MRPL1: variants seen among roughly 807,000 people sequenced by gnomAD.
MRPL1 encodes the protein large ribosomal subunit protein uL1m.
Under a neutral mutation model 38.0 loss-of-function variants are expected in MRPL1, and 28 were observed. The ratio of observed to expected loss-of-function variants is 0.74; its 90% CI spans 0.55 to 1.01. The LOEUF (loss-of-function observed/expected upper bound fraction) is 1.01, where lower values mean the gene tolerates loss of function less well. Ranked by LOEUF, MRPL1 falls within the 50% of genes least tolerant of loss-of-function variation. The pLI is 0.00. For missense variants in MRPL1, 358 were observed against 389.8 expected (o/e 0.92, Z 0.69); for synonymous variants, 123 against 126.7 (o/e 0.97, Z 0.20).
chr4:77,890,505 T>C (rs1735782516), intron 5 of MRPL1, among the ~76,000 whole-genome samples: 1 of 152,138 alleles, frequency 6.6e-6, no homozygotes, highest in African/African-American at 2.4e-5. Flanking sequence ...TAAGAGCTAT[T>C]TATGACAAAC....
At chr4:77,905,712 T>A (rs1253930105) in intron 6 of MRPL1, among the ~76,000 whole-genome samples, 2 of 152,118 alleles carry the variant, frequency 1.3e-5, no homozygotes, top group Non-Finnish European at 2.9e-5. Context: ...CTAGTTCCTT[T>A]TTTCTAACTA....
chr4:77,935,065 T>C (rs1357666857), intron 7 of MRPL1, among the ~76,000 whole-genome samples: 1 of 152,206 alleles, frequency 6.6e-6, no homozygotes, highest in East Asian at 1.9e-4. Flanking sequence ...GGTTATATAC[T>C]GTTATTTTGT....
At chr4:77,919,808 T>G (rs1736520928) in intron 7 of MRPL1, among the ~76,000 whole-genome samples, 1 of 150,192 alleles carries the variant, frequency 6.7e-6, no homozygotes, top group African/African-American at 2.5e-5. Flanking sequence ...ATATATATAT[T>G]CAAGAACCTG....
At chr4:77,877,644 T>C (rs1456210768) in intron 2 of MRPL1, among the ~76,000 whole-genome samples, 1 of 150,094 alleles carries the variant, frequency 6.7e-6, no homozygotes, top group Non-Finnish European at 1.5e-5. Flanking sequence ...GTAGGCCCAG[T>C]GCAGCTGGAC....
rs575138704 is a variant in MRPL1, at chr4:77,937,057, C to T, written c.778-12740C>T. On this transcript the variant is annotated intron_variant, in intron 7 of 8. Transcript: ENST00000315567. Reference sequence around the variant, plus strand: ...GGAAGATTGCTTGAGGCCAGGAGGCCGAGGCTGTAATGAGGTGTGTTAGTG... The same window carrying T: ...GGAAGATTGCTTGAGGCCAGGAGGCTGAGGCTGTAATGAGGTGTGTTAGTG... 2.9e-4 allele frequency among the ~76,000 whole-genome samples: 44 copies of T among 151,394 alleles called. No individual in the cohort carries two copies. In the East Asian group the frequency reaches 4.9e-3, roughly 17 times the overall value.
chr4:77,913,324 C>A (rs1736334086), intron 7 of MRPL1, among the ~76,000 whole-genome samples: 1 of 152,028 alleles, frequency 6.6e-6, no homozygotes. Context: ...AATAAAACTA[C>A]CCAATTTTAA....
At chr4:77,925,161 A>G (rs1736683100) in intron 7 of MRPL1, among the ~76,000 whole-genome samples, 1 of 152,198 alleles carries the variant, frequency 6.6e-6, no homozygotes, top group Non-Finnish European at 1.5e-5. Context: ...CAGGCATTGT[A>G]GTACTTCACC....
intron 7 of MRPL1, among the ~76,000 whole-genome samples, chr4:77,911,890 A>G (rs893814157): frequency 6.6e-6 from 1 of 152,214 alleles, no homozygotes; most frequent in Non-Finnish European, 1.5e-5. Flanking sequence ...AGGGTAACAT[A>G]TCATGCTCAA....
chr4:77,899,361 A>G (rs911534580), intron 6 of MRPL1, among the ~76,000 whole-genome samples: 5 of 151,760 alleles, frequency 3.3e-5, no homozygotes, highest in Non-Finnish European at 7.4e-5. Context: ...GCCCCCCCGC[A>G]CCTTCATTTG....
chr4:77,949,825 C>T lies in MRPL1; in HGVS notation c.806C>T (p.Ala269Val). 1 of 1,610,546 alleles carries T rather than the reference C, an allele frequency of 6.2e-7. No individual in the cohort carries two copies. The highest frequency in any genetic ancestry group is 8.5e-7 in the Non-Finnish European group (1 of 1,178,054). Residue 269 changes from alanine to valine, a missense_variant, in exon 8 of 9, where the codon GCC (alanine) becomes GTC (valine). Ala to Val is a moderately conservative substitution (Grantham distance 64). Transcript: ENST00000315567. ...TLDMSSDQIA[A>V]NLQAVINEVC... ...GATATGTCAAGTGACCAGATAGCTG[C>T]CAATCTGCAAGCAGTTATTAATGAA... is the stretch of plus-strand genomic sequence containing the variant.
At chr4:77,901,351 C>T (rs1352082351) in intron 6 of MRPL1, among the ~76,000 whole-genome samples, 4 of 150,342 alleles carry the variant, frequency 2.7e-5, no homozygotes, top group Non-Finnish European at 4.4e-5. Flanking sequence ...AACAGAAGAA[C>T]AAATAAGATG....
intron 7 of MRPL1, among the ~76,000 whole-genome samples, chr4:77,949,456 C>T (rs1737355589): frequency 1.3e-5 from 2 of 152,006 alleles, no homozygotes; most frequent in Non-Finnish European, 2.9e-5. Flanking sequence ...CAACAAACTT[C>T]ATGAGAAAAT....
intron 6 of MRPL1, among the ~76,000 whole-genome samples, chr4:77,894,564 C>G (rs1735873256): frequency 6.6e-6 from 1 of 151,728 alleles, no homozygotes; most frequent in Non-Finnish European, 1.5e-5. Flanking sequence ...GGCTTTTATC[C>G]CTGTTTATCA....
intron 4 of MRPL1, 138 bp from the exon 5 acceptor site, chr4:77,887,082 T>C: frequency 1.4e-6 from 1 of 737,718 alleles, no homozygotes; most frequent in Non-Finnish European, 2.3e-6. Context: ...AGCCACTGCA[T>C]CCAGCCACAT....
intron 2 of MRPL1, among the ~76,000 whole-genome samples, chr4:77,881,771 C>T (rs1413681015): frequency 1.3e-5 from 2 of 152,148 alleles, no homozygotes; most frequent in African/African-American, 4.8e-5. Context: ...ATTCTCTAAT[C>T]TGCCATCTTT....
Position 77,883,359 on chromosome 4 carries a change from T to C in MRPL1, c.261T>C (p.Tyr87=), listed in dbSNP as rs1735593665. The change falls in exon 3 of 9, where the codon TAT becomes TAC. Residue 87 remains tyrosine (Y), a synonymous_variant. Transcript: ENST00000315567. ...AAGGCGAACCTGAGGATGATGTCTA[T>C]TTAAAACGCTTATACCCGAGACAGA... is the stretch of plus-strand genomic sequence containing the variant. ...YMEGEPEDDV[Y]LKRLYPRQIY... 13 of 1,613,982 alleles carry C rather than the reference T, an allele frequency of 8.1e-6. No homozygotes were observed. The highest frequency in any genetic ancestry group is 1.1e-5 in the Non-Finnish European group (13 of 1,179,958).
intron 7 of MRPL1, among the ~76,000 whole-genome samples, chr4:77,922,009 C>T (rs1358005976): frequency 3.9e-5 from 6 of 151,912 alleles, no homozygotes; most frequent in African/African-American, 1.5e-4. Flanking sequence ...TATACATCAA[C>T]AAAGTAGACA....
intron 7 of MRPL1, among the ~76,000 whole-genome samples, chr4:77,934,738 G>A (rs1378865759): frequency 6.6e-6 from 1 of 152,180 alleles, no homozygotes; most frequent in Non-Finnish European, 1.5e-5. Context: ...GCATACCCAT[G>A]TTCACAGTAG....
intron 7 of MRPL1, among the ~76,000 whole-genome samples, chr4:77,914,415 G>A (rs1736369079): frequency 6.6e-6 from 1 of 152,060 alleles, no homozygotes; most frequent in African/African-American, 2.4e-5. Context: ...AACCTACTAA[G>A]AAACATTGAA....
Sources: allele counts gnomAD v4.1 joint callset (sites outside exome capture counted in the v4.1 genomes callset), GRCh38; gene constraint gnomAD v4.1.1; transcripts MANE v1.5; gene names NCBI Gene and HGNC (gene_info 2026-07-23, HGNC 2026-07-21).